TDRD12: variants seen among roughly 807,000 people sequenced by gnomAD.
TDRD12 encodes the protein tudor domain containing 12, also known as putative ATP-dependent RNA helicase TDRD12.
TDRD12 carries 158 observed loss-of-function variants against 133.5 expected under a neutral mutation model. The observed-to-expected ratio is 1.18, with a 90% CI of 1.04 to 1.35. The LOEUF (loss-of-function observed/expected upper bound fraction) is 1.35. Among genes scored for constraint, TDRD12 ranks in the 40% most tolerant of loss-of-function variants. The pLI is 0.00. For synonymous variants in TDRD12, 460 were observed against 477.9 expected (o/e 0.96, Z 0.49); for missense variants, 1,443 against 1,321.3 (o/e 1.09, Z -1.43).
intron 8 of TDRD12, 111 bp downstream of exon 8, chr19:32,757,241 CTTAAT>C (rs1290356486): frequency 8.2e-5 from 73 of 891,864 alleles, no homozygotes; most frequent in Non-Finnish European, 1.2e-4. Flanking sequence ...TTTCTCTTTT[CTTAAT>C]TTAATGTAAC....
downstream of TDRD12, among the ~76,000 whole-genome samples, chr19:32,825,057 G>A (rs1303034993): frequency 6.6e-6 from 1 of 152,156 alleles, no homozygotes; most frequent in Non-Finnish European, 1.5e-5. This position sits in a 1 kb window ranked among gnomAD's most constrained non-coding sequence, Gnocchi z 4.1. Flanking sequence ...TCTGTGATCA[G>A]GCCAGGCCAC....
exon 14 of TDRD12, chr19:32,794,794 C>T (rs1294044552): frequency 2.8e-6 from 2 of 703,172 alleles, no homozygotes; most frequent in Non-Finnish European, 5.2e-6. Context: ...TGCTACAAGT[C>T]ATTACCAAGT....
chr19:32,727,881 T>TTG (rs1208979384), intron 1 of TDRD12, among the ~76,000 whole-genome samples: 1 of 152,168 alleles, frequency 6.6e-6, no homozygotes, highest in East Asian at 1.9e-4. Flanking sequence ...TTGGCCAGGC[T>TTG]TGTGTCGAAC....
chr19:32,803,100 G>T (rs1971448945), exon 21 of TDRD12: 1 of 1,535,352 alleles, frequency 6.5e-7, no homozygotes, highest in African/African-American at 1.4e-5. Context: ...AAGAAAGCCG[G>T]AAGGCCTCTT....
At chr19:32,804,544 T>G (rs1355623600) in intron 21 of TDRD12, among the ~76,000 whole-genome samples, 1 of 151,118 alleles carries the variant, frequency 6.6e-6, no homozygotes, top group African/African-American at 2.4e-5. Flanking sequence ...AATACAAAAA[T>G]TAGCTGGGCG....
intron 6 of TDRD12, among the ~76,000 whole-genome samples, chr19:32,750,625 C>T (rs780796367): frequency 1.3e-5 from 2 of 152,200 alleles, no homozygotes; most frequent in South Asian, 2.1e-4. Flanking sequence ...GACAGTTTCC[C>T]GGCTGATTTC....
At chr19:32,798,388 C>A in exon 16 of TDRD12, 2 of 1,535,986 alleles carry the variant, frequency 1.3e-6, no homozygotes, top group Non-Finnish European at 1.7e-6. Context: ...GCTCTGCCAC[C>A]TGATCCTGGA....
chr19:32,728,156 G>C (rs903137219), intron 1 of TDRD12, among the ~76,000 whole-genome samples: 1 of 152,208 alleles, frequency 6.6e-6, no homozygotes, highest in Middle Eastern at 3.4e-3. Context: ...ATACTGTTTT[G>C]ATTACTGTAG....
intron 3 of TDRD12, among the ~76,000 whole-genome samples, chr19:32,741,281 C>T (rs1233986318): frequency 6.6e-6 from 1 of 152,124 alleles, no homozygotes; most frequent in Non-Finnish European, 1.5e-5. Flanking sequence ...AGGGTTTTGC[C>T]ATGTTGGCCA....
Position 32,801,976 on chromosome 19 carries a change from C to G in TDRD12, c.2197+103C>G, listed in dbSNP as rs757111945. 23 of 462,978 alleles carry G rather than the reference C, an allele frequency of 5.0e-5. 1 individual carries two copies. Among genetic ancestry groups the G allele is most frequent in the Middle Eastern group, 5.0e-4 (1 of 2,014 alleles). 28.7% of individuals were successfully genotyped at this position (462,978 alleles called of 1,614,324 possible). On this transcript the variant is annotated intron_variant, in intron 19 of 27. Coordinates refer to ENST00000444215, the Ensembl canonical transcript of TDRD12. ...TCATCTCCAGATTTCTCATTATTCC[C>G]CAGGTTTACTGAGACTTTATTAGCA... is the stretch of plus-strand genomic sequence containing the variant.
chr19:32,741,242 C>T (rs1969416207), intron 3 of TDRD12, among the ~76,000 whole-genome samples: 1 of 152,148 alleles, frequency 6.6e-6, no homozygotes, highest in Admixed American at 6.5e-5. Flanking sequence ...CCACCACGTC[C>T]AGCTAATTTT....
intron 8 of TDRD12, among the ~76,000 whole-genome samples, chr19:32,764,089 CTTGTA>C (rs916292158): frequency 1.5e-5 from 2 of 130,600 alleles, no homozygotes; most frequent in South Asian, 2.7e-4. Flanking sequence ...TCTTTTTTTA[CTTGTA>C]TTGTCCATCT....
chr19:32,760,737 C>A (rs546455725), intron 8 of TDRD12, among the ~76,000 whole-genome samples: 1 of 152,168 alleles, frequency 6.6e-6, no homozygotes, highest in Non-Finnish European at 1.5e-5. Context: ...ATATTTATGA[C>A]GCCCTCACTG....
chr19:32,792,726 T>C (rs960928321), intron 13 of TDRD12, among the ~76,000 whole-genome samples: 3 of 152,182 alleles, frequency 2.0e-5, no homozygotes, highest in Non-Finnish European at 4.4e-5. Context: ...GGCCTACCCA[T>C]CACAGGCCCA....
rs796330236 is a variant in TDRD12 at position 32,817,354 on chromosome 19, G to A, written c.3315-735G>A. On this transcript the variant is annotated intron_variant, in intron 26 of 27. Coordinates refer to ENST00000444215, the Ensembl canonical transcript of TDRD12. ...AATCTGCCAATCCTGGGCACTTTAA[G>A]TGGAATCGTCCACTGTTTACCCTTT... is the stretch of plus-strand genomic sequence containing the variant. Among the ~76,000 whole-genome samples, 21 of 151,998 alleles carry A rather than the reference G, an allele frequency of 1.4e-4. 1 individual carries two copies. The highest frequency in any genetic ancestry group is 5.1e-4 in the African/African-American group (21 of 41,458).
chr19:32,821,256 T>C (rs564073409), exon 28 of TDRD12: 20 of 902,490 alleles, frequency 2.2e-5, no homozygotes, highest in East Asian at 1.3e-4. Flanking sequence ...TAAACTGATA[T>C]CACCTAACTG....
chr19:32,757,426 T>A (rs1970028518), intron 8 of TDRD12, among the ~76,000 whole-genome samples: 1 of 152,208 alleles, frequency 6.6e-6, no homozygotes, highest in Admixed American at 6.5e-5. Context: ...TACATATGTA[T>A]TTATTATTGA....
At chr19:32,785,355 T>G (rs562388266) in intron 11 of TDRD12, among the ~76,000 whole-genome samples, 2 of 152,318 alleles carry the variant, frequency 1.3e-5, no homozygotes, top group African/African-American at 4.8e-5. Context: ...TATTTTACAT[T>G]TGCTGAGGAG....
intron 5 of TDRD12, among the ~76,000 whole-genome samples, chr19:32,749,245 G>A (rs957407510): frequency 2.6e-5 from 4 of 152,148 alleles, no homozygotes; most frequent in African/African-American, 9.7e-5. Context: ...TGGGAGATGA[G>A]AATGCGGGTC....
Sources: allele counts gnomAD v4.1 joint callset (sites outside exome capture counted in the v4.1 genomes callset), GRCh38; gene constraint gnomAD v4.1.1; non-coding constraint Gnocchi (gnomAD v3.1); transcripts MANE v1.5; gene names NCBI Gene and HGNC (gene_info 2026-07-23, HGNC 2026-07-21).